The following AGO2 variants were observed in gnomAD, a reference collection of about 807,000 sequenced individuals.
The protein encoded by AGO2 is argonaute RISC catalytic component 2.
AGO2 carries 5 observed loss-of-function variants against 102.3 expected under a neutral mutation model. That is an observed-to-expected ratio of 0.05 (90% CI 0.03 to 0.10). AGO2 has a LOEUF of 0.10. AGO2 is among the 10% of genes least tolerant of loss of function. AGO2 has a pLI of 1.00. For missense variants in AGO2, 541 were observed against 1,183.7 expected, an observed-to-expected ratio of 0.46 and a Z score of 7.97; for synonymous variants, 449 against 473.1, an observed-to-expected ratio of 0.95 and a Z score of 0.66.
chr8:140,616,748 G>A (rs933266305), intron 1 of AGO2, among the ~76,000 whole-genome samples: 6 of 152,162 alleles, frequency 3.9e-5, no homozygotes, highest in Non-Finnish European at 7.3e-5. Context: ...CAGGCTCACA[G>A]AACAGGAGAG....
chr8:140,542,424 C>T (rs1346697594), intron 14 of AGO2, among the ~76,000 whole-genome samples: 3 of 152,106 alleles, frequency 2.0e-5, no homozygotes, highest in African/African-American at 7.2e-5. Context: ...TAATTTTTCT[C>T]TTAAACCAAG....
intron 17 of AGO2, 51 bp from the exon 18 acceptor site, chr8:140,532,666 A>G (rs1343995736): frequency 5.2e-6 from 8 of 1,553,050 alleles, no homozygotes; most frequent in African/African-American, 2.7e-5. Flanking sequence ...AATCTTTAAA[A>G]GGATACTGTG....
At chr8:140,576,047 G>A (rs1220506555) in intron 2 of AGO2, among the ~76,000 whole-genome samples, 3 of 152,202 alleles carry the variant, frequency 2.0e-5, no homozygotes, top group African/African-American at 4.8e-5. Flanking sequence ...GGCCAGGCGC[G>A]GTGGCTCACG....
intron 2 of AGO2, among the ~76,000 whole-genome samples, chr8:140,580,093 T>C (rs6983414): frequency 0.31 from 47,681 of 152,188 alleles, 7,770 homozygotes; most frequent in African/African-American, 0.35. Context: ...TTAGGTCGTG[T>C]GGGCCTTGCC....
intron 1 of AGO2, among the ~76,000 whole-genome samples, chr8:140,597,392 T>C (rs563894241): frequency 1.3e-5 from 2 of 150,582 alleles, no homozygotes; most frequent in Non-Finnish European, 3.0e-5. Context: ...CCAGCTGGAG[T>C]TGAAGTCTGG....
rs1588439668 is a variant in AGO2 at position 140,540,978 on chromosome 8, T to A, written c.2034+186A>T. Among the ~76,000 whole-genome samples the A allele has an allele frequency of 6.6e-6, 1 of 151,396 alleles. No individual in the cohort carries two copies. The highest frequency in any genetic ancestry group is 1.5e-5 in the Non-Finnish European group (1 of 67,840). On this transcript the variant is annotated intron_variant, in intron 15 of 18. Coordinates refer to ENST00000220592, the MANE Select transcript of AGO2 (RefSeq NM_012154.5). The surrounding 1 kb of genome is among the most constrained non-coding windows in gnomAD (Gnocchi z 5.0). ...CTCTGTCCTGCCTCAGTGTCATGTG[T>A]TAGGGTCTCGACAGCCCCGTGTCCC...
chr8:140,535,610 C>T (rs930628874), intron 16 of AGO2, 41 bp from the exon 17 acceptor site: 14 of 1,604,572 alleles, frequency 8.7e-6, no homozygotes, highest in East Asian at 4.5e-5. Context: ...GGCCAGGGAC[C>T]GGCAGAGCCA....
chr8:140,539,817 A>G lies in AGO2; in HGVS notation c.2035-363T>C, dbSNP rs1203481484. ...TCAGGGCAGGCTTTGGGCTGGGCGC[A>G]GTGGCTCATGCCTGTAATCCCAGGA... is the stretch of plus-strand genomic sequence containing the variant. On this transcript the variant is annotated intron_variant, in intron 15 of 18. Coordinates refer to ENST00000220592, the MANE Select transcript of AGO2 (RefSeq NM_012154.5). The surrounding 1 kb of genome is among the most constrained non-coding windows in gnomAD (Gnocchi z 4.7). Among the ~76,000 whole-genome samples, 1 of 152,214 alleles carries G rather than the reference A, an allele frequency of 6.6e-6. No individual in the cohort carries two copies. Among genetic ancestry groups the G allele is most frequent in the Non-Finnish European group, 1.5e-5 (1 of 68,038 alleles).
intron 2 of AGO2, among the ~76,000 whole-genome samples, chr8:140,582,752 T>C (rs530337109): frequency 6.6e-6 from 1 of 152,326 alleles, no homozygotes. Context: ...GAATACACTA[T>C]GTAACAGCTA....
intron 1 of AGO2, among the ~76,000 whole-genome samples, chr8:140,632,651 A>G (rs928970998): frequency 5.9e-5 from 9 of 152,358 alleles, no homozygotes; most frequent in Non-Finnish European, 1.3e-4. Flanking sequence ...TAAAAAACCA[A>G]AAAACTAATT....
chr8:140,561,433 G>A (rs2073200119), intron 4 of AGO2, among the ~76,000 whole-genome samples: 1 of 152,192 alleles, frequency 6.6e-6, no homozygotes, highest in Non-Finnish European at 1.5e-5. Flanking sequence ...GTAATCCAAA[G>A]GAATTCGGAA....
intron 1 of AGO2, among the ~76,000 whole-genome samples, chr8:140,611,481 C>T (rs138909705): frequency 4.1e-4 from 63 of 152,252 alleles, no homozygotes; most frequent in African/African-American, 1.4e-3. Flanking sequence ...GCGCCCACCA[C>T]CACACCGGGC....
chr8:140,579,405 G>A (rs555483610), intron 2 of AGO2, among the ~76,000 whole-genome samples: 13 of 152,034 alleles, frequency 8.6e-5, no homozygotes, highest in Non-Finnish European at 1.0e-4. Context: ...CTTCTGAGGC[G>A]CCCATTTTCC....
intron 1 of AGO2, among the ~76,000 whole-genome samples, chr8:140,613,255 T>C (rs930240924): frequency 6.6e-5 from 10 of 152,278 alleles, no homozygotes; most frequent in African/African-American, 2.4e-4. Context: ...GTCGACAGAA[T>C]GCAGAAGCCA....
intron 1 of AGO2, among the ~76,000 whole-genome samples, chr8:140,610,994 CACGCGCGCAT>C (rs1289131759): frequency 6.6e-6 from 1 of 152,202 alleles, no homozygotes; most frequent in Admixed American, 6.5e-5. Context: ...ATTAAGTAGA[CACGCGCGCAT>C]GCAGATCATT....
chr8:140,547,861 C>T (rs1033733078), intron 12 of AGO2, among the ~76,000 whole-genome samples: 2 of 152,246 alleles, frequency 1.3e-5, no homozygotes, highest in African/African-American at 4.8e-5. Flanking sequence ...GTGCCCGCCT[C>T]GCCCAGGCCA....
intron 1 of AGO2, among the ~76,000 whole-genome samples, chr8:140,611,103 CCA>C (rs2074070670): frequency 6.6e-6 from 1 of 152,140 alleles, no homozygotes; most frequent in South Asian, 2.1e-4. Flanking sequence ...GTCCCCAGGG[CCA>C]GAGCGGCTTG....
rs1333787592 is a variant in AGO2, at chr8:140,617,721, T to C, written c.22+17764A>G. 2.6e-5 allele frequency among the ~76,000 whole-genome samples: 4 copies of C among 152,158 alleles called. No homozygotes were observed. The South Asian group carries it at 8.3e-4, about 32-fold the overall frequency. ...GTGTGCTGCCATCATCCTTTTACTTTAAAAATTGTTGGATGCTGGGCATGG... is the reference window on the plus strand; with the variant it reads ...GTGTGCTGCCATCATCCTTTTACTTCAAAAATTGTTGGATGCTGGGCATGG... On this transcript the variant is annotated intron_variant, in intron 1 of 18. Transcript: ENST00000220592.
chr8:140,553,282 G>T (rs546530026), intron 10 of AGO2, among the ~76,000 whole-genome samples: 5 of 152,248 alleles, frequency 3.3e-5, no homozygotes, highest in African/African-American at 1.2e-4. Context: ...AATTCGAGAG[G>T]CTGAGGTGGG....
Sources: allele counts gnomAD v4.1 joint callset (sites outside exome capture counted in the v4.1 genomes callset), GRCh38; gene constraint gnomAD v4.1.1; non-coding constraint Gnocchi (gnomAD v3.1); transcripts MANE v1.5; gene names NCBI Gene and HGNC (gene_info 2026-07-23, HGNC 2026-07-21).